Variants in SLC31A2 observed in about 807,000 individuals in gnomAD.
SLC31A2 encodes protein SLC31A2.
A neutral mutation model predicts 14.4 loss-of-function variants in SLC31A2; 16 were observed. The observed-to-expected ratio is 1.11, with a 90% CI of 0.75 to 1.69. The LOEUF (loss-of-function observed/expected upper bound fraction) is 1.69, where lower values mean the gene tolerates loss of function less well. Among genes scored for constraint, SLC31A2 ranks in the 40% most tolerant of loss-of-function variants. The pLI is 0.00. For synonymous variants in SLC31A2, 56 were observed against 68.7 expected, an observed-to-expected ratio of 0.82 and a Z score of 0.91; for missense variants, 140 against 173.9, an observed-to-expected ratio of 0.81 and a Z score of 1.10.
chr9:113,161,625 C>T lies in SLC31A2; in HGVS notation c.190C>T (p.Gln64Ter), dbSNP rs767370317. 1.1e-5 allele frequency: 18 copies of T among 1,613,922 alleles called. 2 individuals are homozygous for T. The South Asian group carries it at 1.9e-4, about 17-fold the overall frequency. Reference sequence around the variant, plus strand: ...GGTGAACCTGCCAACCTCCATCAGCCAGCAGACCATCGCAGAGACAGACGG... The same window carrying T: ...GGTGAACCTGCCAACCTCCATCAGCTAGCAGACCATCGCAGAGACAGACGG... ...VLVNLPTSIS[Q>*]QTIAETDGDS... The change falls in exon 3 of 4, where the codon CAG becomes TAG. Residue 64 changes from glutamine (Q) to a stop codon, truncating the protein, a stop_gained. Coordinates refer to ENST00000259392, the MANE Select transcript of SLC31A2 (RefSeq NM_001860.3). LOFTEE classifies it high-confidence loss of function.
At chr9:113,154,688 G>A (rs1055343839) in intron 1 of SLC31A2, among the ~76,000 whole-genome samples, 4 of 152,136 alleles carry the variant, frequency 2.6e-5, no homozygotes, top group Admixed American at 1.3e-4. Flanking sequence ...TGATTCACCC[G>A]GGACTGACTC....
At chr9:113,159,822 C>T (rs1829985003) in intron 2 of SLC31A2, among the ~76,000 whole-genome samples, 1 of 152,192 alleles carries the variant, frequency 6.6e-6, no homozygotes. Context: ...CCCATAACGC[C>T]TTTGTTGGGA....
intron 2 of SLC31A2, 55 bp downstream of exon 2, chr9:113,157,848 A>G (rs1829953881): frequency 2.2e-6 from 3 of 1,351,164 alleles, no homozygotes; most frequent in Non-Finnish European, 2.1e-6. Context: ...GTACTAGGCA[A>G]GGGAGAATCT....
intron 2 of SLC31A2, among the ~76,000 whole-genome samples, chr9:113,159,081 G>A (rs1829971897): frequency 6.6e-6 from 1 of 152,162 alleles, no homozygotes; most frequent in Non-Finnish European, 1.5e-5. Context: ...GAGTAACAGA[G>A]GTTGCTCTGG....
At chr9:113,154,493 G>A (rs901251628) in intron 1 of SLC31A2, among the ~76,000 whole-genome samples, 2 of 152,204 alleles carry the variant, frequency 1.3e-5, no homozygotes, top group Admixed American at 6.5e-5. Flanking sequence ...TCCTGAAGGG[G>A]GCTGGTTAAA....
Position 113,163,012 on chromosome 9 carries a change from T to C in SLC31A2, c.*95T>C, listed in dbSNP as rs1028523864. On this transcript the variant is annotated 3_prime_UTR_variant, in exon 4 of 4. Transcript: ENST00000259392. ...AACTGCCCTTTCTTCTGATGGCTAT[T>C]CCTCCACCTTATTCCCAGCCCCTGG... is the stretch of plus-strand genomic sequence containing the variant. 8.5e-7 allele frequency: 1 copy of C among 1,179,390 alleles called. No individual in the cohort carries two copies. Among genetic ancestry groups the C allele is most frequent in the Non-Finnish European group, 1.2e-6 (1 of 869,046 alleles). 73.1% of individuals were successfully genotyped at this position (1,179,390 alleles called of 1,614,324 possible). A position where few individuals can be genotyped will look rare whatever the true frequency, so the allele number is the denominator to read the frequency against.
chr9:113,155,868 G>GA (rs1228402584), intron 1 of SLC31A2: 1 of 310,470 alleles, frequency 3.2e-6, no homozygotes, highest in Non-Finnish European at 6.7e-6. Flanking sequence ...CCCCTCGGAG[G>GA]AAACTGAGGC....
intron 2 of SLC31A2, among the ~76,000 whole-genome samples, chr9:113,159,941 G>A (rs1829986617): frequency 6.6e-6 from 1 of 152,212 alleles, no homozygotes; most frequent in African/African-American, 2.4e-5. Flanking sequence ...TTGGGAGGCC[G>A]AGGCGAGTGG....
chr9:113,151,725 T>C lies in SLC31A2; in HGVS notation c.6+645T>C, dbSNP rs1829869181. On this transcript the variant is annotated intron_variant, in intron 1 of 3. Transcript: ENST00000259392. This position sits in a 1 kb window ranked among gnomAD's most constrained non-coding sequence, Gnocchi z 4.2. ...TGAAGAAGTCATATCATTTTCTTCA[T>C]CCCATGAAGAATGTCATAGAATTTA... 1 of 152,190 alleles carries C rather than the reference T, an allele frequency of 6.6e-6. No individual in the cohort carries two copies. The highest frequency in any genetic ancestry group is 2.4e-5 in the African/African-American group (1 of 41,452). The allele number at this position is 152,190 out of a possible 1,614,324, so 9.4% of individuals were successfully genotyped here.
At chr9:113,155,315 C>G (rs902817626) in intron 1 of SLC31A2, among the ~76,000 whole-genome samples, 4 of 152,226 alleles carry the variant, frequency 2.6e-5, no homozygotes, top group Non-Finnish European at 5.9e-5. Flanking sequence ...GAATCTGAAA[C>G]CAGCCCACCC....
At chr9:113,153,697 T>TG (rs1829899136) in intron 1 of SLC31A2, among the ~76,000 whole-genome samples, 2 of 152,196 alleles carry the variant, frequency 1.3e-5, no homozygotes, top group African/African-American at 4.8e-5. Context: ...CACAGAGCTG[T>TG]GTGGCTGTTC....
At chr9:113,155,013 T>C (rs996498758) in intron 1 of SLC31A2, among the ~76,000 whole-genome samples, 1 of 152,248 alleles carries the variant, frequency 6.6e-6, no homozygotes, top group Non-Finnish European at 1.5e-5. Context: ...CCATATTTTG[T>C]TCCAAAGTGG....
rs1362833387 is a variant in SLC31A2, at chr9:113,164,021, A to AAGAG, written c.*1108_*1111dup. ...AACCTCTTCACTTTATAAAAAAGGA[A>AAGAG]AGAGAGAAAATCACTGCTGTATACT... On this transcript the variant is annotated 3_prime_UTR_variant, in exon 4 of 4. Coordinates refer to ENST00000259392, the MANE Select transcript of SLC31A2 (RefSeq NM_001860.3). 2 of 152,660 alleles carry AAGAG rather than the reference A, an allele frequency of 1.3e-5. No homozygotes were observed. The highest frequency in any genetic ancestry group is 1.3e-4 in the Admixed American group (2 of 15,280). The allele number at this position is 152,660 out of a possible 1,614,324, so 9.5% of individuals were successfully genotyped here.
At chr9:113,156,872 T>C (rs919667484) in intron 1 of SLC31A2, among the ~76,000 whole-genome samples, 3 of 152,192 alleles carry the variant, frequency 2.0e-5, no homozygotes, top group African/African-American at 7.2e-5. Context: ...CCAGCTAGAC[T>C]CAGGTTTGAA....
In SLC31A2 at chr9:113,151,201, C is replaced by T. The variant is rs1829858575; in HGVS notation, c.6+121C>T. Reference sequence around the variant, plus strand: ...CCGGGGCTGGTGAAGGGTGTGTTGGCAGCATTGCCAACAGCTGGAACAGGG... The same window carrying T: ...CCGGGGCTGGTGAAGGGTGTGTTGGTAGCATTGCCAACAGCTGGAACAGGG... On this transcript the variant is annotated intron_variant, in intron 1 of 3. Coordinates refer to ENST00000259392, the MANE Select transcript of SLC31A2 (RefSeq NM_001860.3). This position sits in a 1 kb window ranked among gnomAD's most constrained non-coding sequence, Gnocchi z 4.2. The T allele has an allele frequency of 9.6e-7, 1 of 1,041,462 alleles. No homozygotes were observed. The highest frequency in any genetic ancestry group is 3.2e-5 in the East Asian group (1 of 30,998). 64.5% of individuals were successfully genotyped at this position (1,041,462 alleles called of 1,614,324 possible).
At chr9:113,158,034 T>A (rs1182226108) in intron 2 of SLC31A2, 4 of 594,848 alleles carry the variant, frequency 6.7e-6, no homozygotes, top group Admixed American at 2.2e-5. Context: ...AGCTTTTCCC[T>A]CTGTTACAGG....
intron 2 of SLC31A2, 154 bp from the exon 3 acceptor site, chr9:113,161,355 G>C (rs1402885079): frequency 2.8e-6 from 2 of 704,344 alleles, no homozygotes; most frequent in Non-Finnish European, 4.8e-6. Flanking sequence ...AGAAAAGTCT[G>C]GTGAAGACAG....
Position 113,162,972 on chromosome 9 carries a change from A to G in SLC31A2, c.*55A>G, listed in dbSNP as rs1564140631. 1 of 1,468,246 alleles carries G rather than the reference A, an allele frequency of 6.8e-7. No homozygotes were observed. The highest frequency in any genetic ancestry group is 9.2e-7 in the Non-Finnish European group (1 of 1,092,386). 91.0% of individuals were successfully genotyped at this position (1,468,246 alleles called of 1,614,324 possible). ...GGAGGGACATGGAGCCCCCTCTTCC[A>G]GACACTATACTTCCAACTGCCCTTT... is the stretch of plus-strand genomic sequence containing the variant. On this transcript the variant is annotated 3_prime_UTR_variant, in exon 4 of 4. Coordinates refer to ENST00000259392, the MANE Select transcript of SLC31A2 (RefSeq NM_001860.3).
At chr9:113,157,611 C>G (rs1829950204) in intron 1 of SLC31A2, 116 bp from the exon 2 acceptor site, 1 of 800,840 alleles carries the variant, frequency 1.2e-6, no homozygotes, top group Middle Eastern at 3.6e-4. Context: ...GATGGCCCTT[C>G]CAGCACTTCC....
Sources: allele counts gnomAD v4.1 joint callset (sites outside exome capture counted in the v4.1 genomes callset), GRCh38; gene constraint gnomAD v4.1.1; non-coding constraint Gnocchi (gnomAD v3.1); transcripts MANE v1.5; gene names NCBI Gene and HGNC (gene_info 2026-07-23, HGNC 2026-07-21).